Variants in ARHGEF3 observed in about 807,000 individuals in gnomAD.
The protein encoded by ARHGEF3 is 59.8 kDA protein.
Under a neutral mutation model 63.2 loss-of-function variants are expected in ARHGEF3, and 28 were observed. That is an observed-to-expected ratio of 0.44 (90% confidence interval 0.33 to 0.61). The LOEUF is 0.61. Among genes scored for constraint, ARHGEF3 ranks in the 20% least tolerant of loss-of-function variants. The pLI is 0.03. For synonymous variants in ARHGEF3, 266 were observed against 254.2 expected, an observed-to-expected ratio of 1.05 and a Z score of -0.44; for missense variants, 533 against 659.3, an observed-to-expected ratio of 0.81 and a Z score of 2.10.
At chr3:57,032,544 T>C (rs1703776734) in intron 2 of ARHGEF3, among the ~76,000 whole-genome samples, 1 of 152,214 alleles carries the variant, frequency 6.6e-6, no homozygotes, top group Non-Finnish European at 1.5e-5. Flanking sequence ...CTCTTTGGGT[T>C]GGTTTTGAAT....
intron 2 of ARHGEF3, among the ~76,000 whole-genome samples, chr3:57,006,338 G>A (rs1009426937): frequency 5.9e-5 from 9 of 152,248 alleles, no homozygotes; most frequent in Middle Eastern, 3.4e-3. Flanking sequence ...CCACTACACC[G>A]ACAAGATAGA....
chr3:56,903,108 C>T (rs939665940), intron 3 of ARHGEF3, among the ~76,000 whole-genome samples: 41 of 150,710 alleles, frequency 2.7e-4, no homozygotes, highest in African/African-American at 9.0e-4. Flanking sequence ...AGAGAGAGAA[C>T]GAACCCCAAG....
intron 2 of ARHGEF3, among the ~76,000 whole-genome samples, chr3:57,025,641 C>T (rs1703441735): frequency 6.6e-6 from 1 of 152,198 alleles, no homozygotes; most frequent in South Asian, 2.1e-4. Context: ...AGACGTGAAC[C>T]TAGGCCTCCC....
intron 4 of ARHGEF3, among the ~76,000 whole-genome samples, chr3:56,839,590 A>C (rs999376982): frequency 6.6e-6 from 1 of 152,232 alleles, no homozygotes; most frequent in Admixed American, 6.5e-5. Context: ...TAAATCTAAA[A>C]TTATTCCAAA....
At chr3:57,020,594 G>A (rs532081823) in intron 2 of ARHGEF3, among the ~76,000 whole-genome samples, 2 of 152,316 alleles carry the variant, frequency 1.3e-5, no homozygotes, top group South Asian at 4.1e-4. Flanking sequence ...GTGGGAATAA[G>A]CTTTCACTCC....
intron 2 of ARHGEF3, among the ~76,000 whole-genome samples, chr3:57,006,457 C>T (rs911970705): frequency 5.3e-5 from 8 of 152,100 alleles, no homozygotes; most frequent in African/African-American, 1.4e-4. Context: ...CTCCCCGCTC[C>T]GATCTCCACT....
intron 3 of ARHGEF3, among the ~76,000 whole-genome samples, chr3:56,951,250 C>T (rs1699795893): frequency 6.7e-6 from 1 of 150,022 alleles, no homozygotes; most frequent in South Asian, 2.1e-4. Flanking sequence ...GCACGTTGTG[C>T]ACATGTACCC....
intron 3 of ARHGEF3, among the ~76,000 whole-genome samples, chr3:56,937,577 G>A (rs1484391493): frequency 1.3e-5 from 2 of 152,196 alleles, no homozygotes; most frequent in Admixed American, 1.3e-4. Flanking sequence ...TGGAAACCAT[G>A]TAGAAGACAA....
intron 1 of ARHGEF3, among the ~76,000 whole-genome samples, chr3:56,784,460 A>G (rs1381725630): frequency 6.6e-6 from 1 of 152,152 alleles, no homozygotes. Flanking sequence ...AGAGGTAGAA[A>G]AGATCTCCTG....
At chr3:56,806,716 A>G (rs1000079002), upstream of ARHGEF3, among the ~76,000 whole-genome samples, 3 of 152,220 alleles carry the variant, frequency 2.0e-5, no homozygotes, top group Non-Finnish European at 2.9e-5. Flanking sequence ...ACAACCAGGC[A>G]TGGCTTGGAG....
chr3:56,983,712 C>T (rs1453281448), intron 2 of ARHGEF3, among the ~76,000 whole-genome samples: 2 of 151,934 alleles, frequency 1.3e-5, no homozygotes, highest in Non-Finnish European at 2.9e-5. Context: ...CAGAGGCGGG[C>T]GGATCATGAG....
chr3:56,981,044 T>C (rs1422437881), intron 2 of ARHGEF3, among the ~76,000 whole-genome samples: 1 of 152,244 alleles, frequency 6.6e-6, no homozygotes, highest in Non-Finnish European at 1.5e-5. Flanking sequence ...TGCAGACGTC[T>C]GACTAACAGA....
chr3:56,957,384 C>T (rs991808675), intron 3 of ARHGEF3, among the ~76,000 whole-genome samples: 4 of 152,154 alleles, frequency 2.6e-5, no homozygotes, highest in African/African-American at 4.8e-5. Flanking sequence ...GAACTTGAAA[C>T]GCAATCTAAA....
chr3:56,983,331 A>G (rs974576016), intron 2 of ARHGEF3, among the ~76,000 whole-genome samples: 1 of 152,090 alleles, frequency 6.6e-6, no homozygotes, highest in Non-Finnish European at 1.5e-5. Flanking sequence ...CCCCCTTCAG[A>G]TGGACCATGG....
chr3:56,944,574 T>TTTTTC (rs1000036886), intron 3 of ARHGEF3, among the ~76,000 whole-genome samples: 19 of 142,380 alleles, frequency 1.3e-4, no homozygotes, highest in Non-Finnish European at 2.5e-4. Context: ...GTTTCTTTTT[T>TTTTTC]TTTTTTTTTT....
intron 4 of ARHGEF3, among the ~76,000 whole-genome samples, chr3:56,854,083 T>C (rs1286244456): frequency 6.6e-6 from 1 of 152,010 alleles, no homozygotes; most frequent in Non-Finnish European, 1.5e-5. Context: ...CAGTCCCAGC[T>C]ACTGGGGAGG....
chr3:56,982,950 T>C (rs539423092), intron 2 of ARHGEF3, among the ~76,000 whole-genome samples: 1 of 152,284 alleles, frequency 6.6e-6, no homozygotes, highest in African/African-American at 2.4e-5. Flanking sequence ...GGGAGCCCTT[T>C]GGGTTATAAA....
intron 4 of ARHGEF3, among the ~76,000 whole-genome samples, chr3:56,847,285 A>T (rs952865790): frequency 6.6e-6 from 1 of 152,224 alleles, no homozygotes; most frequent in Non-Finnish European, 1.5e-5. Context: ...CTTGGAGCCA[A>T]TTCAACCAAA....
At chr3:56,979,931 G>A (rs34598297) in intron 2 of ARHGEF3, among the ~76,000 whole-genome samples, 1 of 152,086 alleles carries the variant, frequency 6.6e-6, no homozygotes, top group Non-Finnish European at 1.5e-5. Flanking sequence ...GACGGTGGTG[G>A]TTAGAAGCAA....
Sources: gnomAD v4.1 joint callset for allele counts (sites outside exome capture counted in the v4.1 genomes callset) on GRCh38, gnomAD v4.1.1 for gene constraint, MANE v1.5 for transcripts, NCBI Gene and HGNC (gene_info 2026-07-23, HGNC 2026-07-21) for gene names.